The following MTHFD1 variants were observed in gnomAD, a reference collection of about 807,000 sequenced individuals.
MTHFD1 encodes the protein C-1-tetrahydrofolate synthase, cytoplasmic.
In MTHFD1, 44 loss-of-function variants were observed where a neutral mutation model predicts 110.3. The ratio of observed to expected loss-of-function variants is 0.40; its 90% CI spans 0.31 to 0.51. The LOEUF is 0.51. MTHFD1 is among the 20% of genes least tolerant of loss of function. MTHFD1 has a pLI of 0.60. For missense variants in MTHFD1, 909 were observed against 1,173.1 expected (o/e 0.77, Z 3.29); for synonymous variants, 402 against 428.8 (o/e 0.94, Z 0.77).
At chr14:64,414,061 A>G (rs2140955085) in intron 4 of MTHFD1, among the ~76,000 whole-genome samples, 1 of 151,866 alleles carries the variant, frequency 6.6e-6, no homozygotes, top group East Asian at 1.9e-4. Flanking sequence ...GTGGTGCAAT[A>G]TTGGCTCACT....
Position 64,439,132 on chromosome 14 carries a change from C to T in MTHFD1, c.1634C>T (p.Thr545Met), listed in dbSNP as rs1183286456. 3.1e-6 allele frequency: 5 copies of T among 1,613,896 alleles called. No individual in the cohort carries two copies. Among genetic ancestry groups the T allele is most frequent in the East Asian group, 2.2e-5 (1 of 44,896 alleles). Residue 545 changes from threonine to methionine, a missense_variant, in exon 17 of 28, where the codon ACG (threonine) becomes ATG (methionine). Coordinates refer to ENST00000652337, the MANE Select transcript of MTHFD1 (RefSeq NM_005956.4). ...DTNDRFLRKITIGQAPTEKGH... is the reference protein window; with the variant it reads ...DTNDRFLRKIMIGQAPTEKGH... ...AATGATAGATTCCTGAGGAAGATCA[C>T]GATTGGACAGGCTCCAACGGAGAAG...
chr14:64,428,756 A>G (rs147721095), intron 12 of MTHFD1, among the ~76,000 whole-genome samples: 1,527 of 147,654 alleles, frequency 0.01, 29 homozygotes, highest in African/African-American at 0.034. Context: ...GTTTCACTAT[A>G]TTGGCCAGGC....
chr14:64,430,650 CT>C (rs1356023705), intron 13 of MTHFD1, among the ~76,000 whole-genome samples: 6 of 152,078 alleles, frequency 3.9e-5, no homozygotes, highest in Non-Finnish European at 7.4e-5. Context: ...TTGTAGAGCT[CT>C]TAGCGGACAA....
intron 17 of MTHFD1, 122 bp downstream of exon 17, chr14:64,439,294 TA>T: frequency 1.3e-6 from 1 of 786,280 alleles, no homozygotes; most frequent in Non-Finnish European, 2.2e-6. Context: ...TTCTCCCTTT[TA>T]AAATGGAAGT....
At chr14:64,406,186 G>C (rs571417301) in intron 2 of MTHFD1, among the ~76,000 whole-genome samples, 1 of 151,208 alleles carries the variant, frequency 6.6e-6, no homozygotes, top group African/African-American at 2.4e-5. Flanking sequence ...TTACAGGTGT[G>C]TTCCACCACG....
At chr14:64,456,373 A>G (rs2078474341) in intron 26 of MTHFD1, among the ~76,000 whole-genome samples, 1 of 152,232 alleles carries the variant, frequency 6.6e-6, no homozygotes, top group African/African-American at 2.4e-5. Context: ...AATATTTTCT[A>G]TATTAATTCA....
intron 2 of MTHFD1, among the ~76,000 whole-genome samples, chr14:64,402,072 A>T (rs1477027686): frequency 6.6e-6 from 1 of 152,230 alleles, no homozygotes; most frequent in African/African-American, 2.4e-5. Context: ...ACCAGGACTC[A>T]GTAAGTAAAT....
At chr14:64,411,875 T>A (rs546747766) in intron 3 of MTHFD1, among the ~76,000 whole-genome samples, 1 of 151,720 alleles carries the variant, frequency 6.6e-6, no homozygotes, top group South Asian at 2.1e-4. Context: ...CACTCCAGCC[T>A]GGGCAATAAG....
At chr14:64,401,014 T>A in intron 2 of MTHFD1, 137 bp downstream of exon 2, 1 of 704,854 alleles carries the variant, frequency 1.4e-6, no homozygotes, top group Non-Finnish European at 2.5e-6. Flanking sequence ...CTTGGCAGGC[T>A]CCCCCCTTTG....
chr14:64,413,334 AAG>A (rs2077999882), intron 4 of MTHFD1, among the ~76,000 whole-genome samples: 1 of 152,134 alleles, frequency 6.6e-6, no homozygotes, highest in African/African-American at 2.4e-5. Context: ...CCTGGGAAAA[AAG>A]AGCAAAACTC....
At position 64,439,996 on chromosome 14, in the gene MTHFD1, G is replaced by A. The variant is rs2078235768; in HGVS notation, c.1675-130G>A. 7.5e-6 allele frequency: 5 copies of A among 670,100 alleles called. No homozygotes were observed. In the East Asian group the frequency reaches 8.2e-5, roughly 11 times the overall value. 41.5% of individuals were successfully genotyped at this position (670,100 alleles called of 1,614,324 possible). A position where few individuals can be genotyped will look rare whatever the true frequency, so the allele number is the denominator to read the frequency against. On this transcript the variant is annotated intron_variant, in intron 17 of 27. Transcript: ENST00000652337. ...GGATTATTTTCATTAAGTATTTTGGGTAGTATTCTGTTATTCTATCCTTTT... is the reference window on the plus strand; with the variant it reads ...GGATTATTTTCATTAAGTATTTTGGATAGTATTCTGTTATTCTATCCTTTT...
At chr14:64,451,328 G>T (rs943403704) in intron 24 of MTHFD1, among the ~76,000 whole-genome samples, 1 of 151,990 alleles carries the variant, frequency 6.6e-6, no homozygotes, top group Non-Finnish European at 1.5e-5. Flanking sequence ...GGCCTGGCTT[G>T]GTTTTTAATA....
At chr14:64,418,052 T>G in intron 7 of MTHFD1, 28 bp downstream of exon 7, 2 of 1,613,828 alleles carry the variant, frequency 1.2e-6, no homozygotes, top group Non-Finnish European at 1.7e-6. Flanking sequence ...GAGGTAAAGG[T>G]GTTACGGTGG....
Position 64,448,244 on chromosome 14 carries a change from A to G in MTHFD1, c.2206A>G (p.Ser736Gly). 1 of 1,614,192 alleles carries G rather than the reference A, an allele frequency of 6.2e-7. No individual in the cohort carries two copies. Among genetic ancestry groups the G allele is most frequent in the Admixed American group, 1.7e-5 (1 of 60,030 alleles). Residue 736 changes from serine (S) to glycine (G), a missense_variant, in exon 23 of 28, where the codon AGT becomes GGT. Physicochemically the swap from Ser to Gly is moderately conservative, Grantham distance 56. Around this residue, in one of 3 missense-constraint regions of MTHFD1, gnomAD observed 482 missense variants for 646.0 expected, o/e 0.75. Coordinates refer to ENST00000652337, the MANE Select transcript of MTHFD1 (RefSeq NM_005956.4). ...ENLELVEKGFSNLKKQIENAR... is the reference protein window; with the variant it reads ...ENLELVEKGFGNLKKQIENAR... ...CCTGGAGCTGGTTGAAAAAGGCTTC[A>G]GTAACTTGAAGAAACAAATTGAAAA...
At chr14:64,430,569 T>C (rs2078150226) in intron 13 of MTHFD1, among the ~76,000 whole-genome samples, 1 of 152,166 alleles carries the variant, frequency 6.6e-6, no homozygotes, top group Non-Finnish European at 1.5e-5. Flanking sequence ...GTGCTGGTAT[T>C]ATAGGCGTGA....
At position 64,425,105 on chromosome 14, in the gene MTHFD1, T is replaced by G. The variant is rs115195317; in HGVS notation, c.855+174T>G. ...GATCAGGCACATTAATAGAGGAAAG[T>G]AGGGATGGCATAATTCCAGTCTGTT... On this transcript the variant is annotated intron_variant, in intron 9 of 27. Coordinates refer to ENST00000652337, the MANE Select transcript of MTHFD1 (RefSeq NM_005956.4). Among the ~76,000 whole-genome samples the G allele has an allele frequency of 9.2e-3, 1,401 of 152,118 alleles. 17 individuals carry two copies. The highest frequency in any genetic ancestry group is 0.033 in the African/African-American group (1,351 of 41,488).
chr14:64,414,016 CAG>C (rs1375531817), intron 4 of MTHFD1, among the ~76,000 whole-genome samples: 1 of 152,046 alleles, frequency 6.6e-6, no homozygotes, highest in East Asian at 1.9e-4. Context: ...ATTTTTGAGG[CAG>C]AGTTTTACTC....
intron 7 of MTHFD1, chr14:64,419,312 G>T (rs993341140): frequency 9.0e-6 from 2 of 221,900 alleles, no homozygotes; most frequent in African/African-American, 4.6e-5. Flanking sequence ...GCAGTAGTCT[G>T]CTAATAGCTA....
intron 19 of MTHFD1, 78 bp downstream of exon 19, chr14:64,441,531 G>C (rs998967532): frequency 2.2e-6 from 3 of 1,387,606 alleles, no homozygotes; most frequent in Non-Finnish European, 3.1e-6. Context: ...CACTTGCAAG[G>C]CGCGGTGGCT....
Sources: gnomAD v4.1 joint callset for allele counts (sites outside exome capture counted in the v4.1 genomes callset) on GRCh38, gnomAD v4.1.1 for gene constraint, gnomAD v4.1.1 regional missense constraint, MANE v1.5 for transcripts, NCBI Gene and HGNC (gene_info 2026-07-23, HGNC 2026-07-21) for gene names.